PHLDB2: variants seen among roughly 807,000 people sequenced by gnomAD.
PHLDB2 encodes the protein pleckstrin homology like domain family B member 2, also known as pleckstrin homology-like domain family B member 2.
In PHLDB2, 71 loss-of-function variants were observed where a neutral mutation model predicts 123.6. That is an observed-to-expected ratio of 0.57 (90% CI 0.47 to 0.70). The LOEUF (loss-of-function observed/expected upper bound fraction) is 0.70, where lower values mean the gene tolerates loss of function less well. PHLDB2 is among the 30% of genes least tolerant of loss of function. The pLI is 0.00. For missense variants in PHLDB2, 1,446 were observed against 1,519.5 expected, an observed-to-expected ratio of 0.95 and a Z score of 0.80; for synonymous variants, 547 against 541.6, an observed-to-expected ratio of 1.01 and a Z score of -0.14.
chr3:111,733,009 G>C (rs1258035533), intron 1 of PHLDB2, among the ~76,000 whole-genome samples: 1 of 152,014 alleles, frequency 6.6e-6, no homozygotes, highest in East Asian at 1.9e-4. Context: ...TTTCATTGGT[G>C]GTAACTCCAC....
intron 1 of PHLDB2, among the ~76,000 whole-genome samples, chr3:111,786,285 C>T (rs952874709): frequency 5.3e-5 from 8 of 152,142 alleles, no homozygotes; most frequent in African/African-American, 1.4e-4. Context: ...AAAGTCAATA[C>T]GTGCTTAGCA....
chr3:111,913,826 A>ACT, intron 3 of PHLDB2, 124 bp downstream of exon 3: 1 of 1,308,500 alleles, frequency 7.6e-7, no homozygotes. Flanking sequence ...TTTCAATTTA[A>ACT]GAGGTCATTA....
chr3:111,953,734 A>G (rs2070854661), intron 11 of PHLDB2, 196 bp from the exon 12 acceptor site: 1 of 461,456 alleles, frequency 2.2e-6, no homozygotes, highest in African/African-American at 2.0e-5. Flanking sequence ...GTGCTTTGAT[A>G]TTGCGACTAC....
intron 5 of PHLDB2, among the ~76,000 whole-genome samples, chr3:111,921,562 C>T (rs1169449296): frequency 6.7e-6 from 1 of 148,796 alleles, no homozygotes; most frequent in African/African-American, 2.5e-5. Flanking sequence ...ACTGCACAGG[C>T]TTTTCATATT....
intron 1 of PHLDB2, among the ~76,000 whole-genome samples, chr3:111,873,899 C>T (rs1268686639): frequency 6.6e-6 from 1 of 151,914 alleles, no homozygotes; most frequent in African/African-American, 2.4e-5. Flanking sequence ...GTGGTGGAGA[C>T]AGAAAAAGAT....
At chr3:111,933,226 A>C (rs904636) in intron 6 of PHLDB2, among the ~76,000 whole-genome samples, 6,628 of 152,292 alleles carry the variant, frequency 0.044, 478 homozygotes, top group African/African-American at 0.15. Flanking sequence ...ACAGTCTTGG[A>C]TATCTGAAAG....
rs147568801 is a variant in PHLDB2 at position 111,733,218 on chromosome 3, C to A, written c.-49+515C>A. On this transcript the variant is annotated intron_variant, in intron 1 of 17. Transcript: ENST00000393923. ...CACGTATATTTTTCTGCTTTGGAAC[C>A]TAGAGAGTTAAAAGTCCTGAAATTA... Among the ~76,000 whole-genome samples, 278 of 152,260 alleles carry A rather than the reference C, an allele frequency of 1.8e-3. 1 individual carries two copies. The highest frequency in any genetic ancestry group is 6.4e-3 in the African/African-American group (267 of 41,542).
chr3:111,854,625 A>G (rs1459297559), upstream of PHLDB2, among the ~76,000 whole-genome samples: 1 of 152,256 alleles, frequency 6.6e-6, no homozygotes, highest in Non-Finnish European at 1.5e-5. Context: ...ATAAAAGAGA[A>G]CAATAGCAAA....
At chr3:111,742,138 G>C (rs923288945) in intron 1 of PHLDB2, among the ~76,000 whole-genome samples, 1 of 152,120 alleles carries the variant, frequency 6.6e-6, no homozygotes, top group East Asian at 1.9e-4. Flanking sequence ...CCCCTAAAGG[G>C]ATTGGTTGAG....
rs1422132972 is a variant in PHLDB2, at chr3:111,960,136, A to G, written c.2873-1972A>G. 3 of 841,176 alleles carry G rather than the reference A, an allele frequency of 3.6e-6. No homozygotes were observed. The African/African-American group carries it at 5.5e-5, about 16-fold the overall frequency. 52.1% of individuals were successfully genotyped at this position (841,176 alleles called of 1,614,324 possible). A position where few individuals can be genotyped will look rare whatever the true frequency, so the allele number is the denominator to read the frequency against. On this transcript the variant is annotated intron_variant, in intron 12 of 17. Coordinates refer to ENST00000431670, the MANE Select transcript of PHLDB2 (RefSeq NM_001134438.2). Reference sequence around the variant, plus strand: ...TTTGCATAATAAATAATTGGAAACAACTTAAAAGGAGCAATTAGTAATTCC... The same window carrying G: ...TTTGCATAATAAATAATTGGAAACAGCTTAAAAGGAGCAATTAGTAATTCC...
At chr3:111,955,278 CAAAT>C (rs1173766484) in intron 12 of PHLDB2, among the ~76,000 whole-genome samples, 2 of 151,462 alleles carry the variant, frequency 1.3e-5, no homozygotes, top group African/African-American at 2.4e-5. Flanking sequence ...ATATTTGAAT[CAAAT>C]AAACTGATTG....
At chr3:111,818,594 G>T (rs1213658898) in intron 1 of PHLDB2, among the ~76,000 whole-genome samples, 1 of 152,146 alleles carries the variant, frequency 6.6e-6, no homozygotes, top group African/African-American at 2.4e-5. Flanking sequence ...CACTGTCACA[G>T]CTGAAGATGG....
At chr3:111,801,251 G>A (rs569399570) in intron 1 of PHLDB2, among the ~76,000 whole-genome samples, 1 of 152,104 alleles carries the variant, frequency 6.6e-6, no homozygotes, top group African/African-American at 2.4e-5. Context: ...ACAAGCATAG[G>A]CCCCTCTGAG....
intron 1 of PHLDB2, among the ~76,000 whole-genome samples, chr3:111,845,458 CA>C (rs1289819643): frequency 7.1e-6 from 1 of 141,666 alleles, no homozygotes; most frequent in Admixed American, 7.1e-5. Context: ...AAATAAAAAG[CA>C]GGGGATGAAA....
chr3:111,834,379 T>C (rs1286638429), intron 1 of PHLDB2, among the ~76,000 whole-genome samples: 2 of 144,494 alleles, frequency 1.4e-5, no homozygotes, highest in Non-Finnish European at 3.0e-5. Flanking sequence ...GTCATCTGAT[T>C]TTTATATATA....
At chr3:111,848,300 T>C (rs762585088) in intron 2 of PHLDB2, among the ~76,000 whole-genome samples, 1 of 152,158 alleles carries the variant, frequency 6.6e-6, no homozygotes, top group Non-Finnish European at 1.5e-5. Flanking sequence ...AAGGGTAAGG[T>C]TACCCCCCGC....
At chr3:111,951,531 C>A in intron 10 of PHLDB2, among the ~76,000 whole-genome samples, 1 of 151,968 alleles carries the variant, frequency 6.6e-6, no homozygotes, top group East Asian at 1.9e-4. Flanking sequence ...AAAGCATGAG[C>A]TTTTAAAATG....
intron 12 of PHLDB2, chr3:111,957,316 T>C (rs2071120483): frequency 6.5e-6 from 1 of 152,676 alleles, no homozygotes; most frequent in Non-Finnish European, 1.5e-5. Context: ...TGTCAAGTCA[T>C]GTTTAAGAAA....
chr3:111,756,730 T>A (rs1186983365), intron 1 of PHLDB2, among the ~76,000 whole-genome samples: 1 of 152,212 alleles, frequency 6.6e-6, no homozygotes, highest in African/African-American at 2.4e-5. Context: ...GTGGATGCAG[T>A]TTCTTCCTAG....
Sources: allele counts gnomAD v4.1 joint callset (sites outside exome capture counted in the v4.1 genomes callset), GRCh38; gene constraint gnomAD v4.1.1; transcripts MANE v1.5; gene names NCBI Gene and HGNC (gene_info 2026-07-23, HGNC 2026-07-21).